The following DNAJC5B variants were observed in gnomAD, a reference collection of about 807,000 sequenced individuals.
DNAJC5B encodes dnaJ homolog subfamily C member 5B.
Under a neutral mutation model 24.7 loss-of-function variants are expected in DNAJC5B, and 23 were observed. The observed-to-expected ratio is 0.93, with a 90% CI of 0.67 to 1.32. The LOEUF (loss-of-function observed/expected upper bound fraction) is 1.32, where lower values mean the gene tolerates loss of function less well. Ranked by LOEUF, DNAJC5B falls within the 40% of genes most tolerant of loss-of-function variation. DNAJC5B has a pLI of 0.00. For missense variants in DNAJC5B, 238 were observed against 240.8 expected, an observed-to-expected ratio of 0.99 and a Z score of 0.08; for synonymous variants, 101 against 90.1, an observed-to-expected ratio of 1.12 and a Z score of -0.68.
chr8:66,035,280 A>G (rs1284082969), intron 1 of DNAJC5B, among the ~76,000 whole-genome samples: 1 of 152,176 alleles, frequency 6.6e-6, no homozygotes, highest in Non-Finnish European at 1.5e-5. Flanking sequence ...CAACTTTACA[A>G]TCCTGTTGTG....
chr8:66,053,764 G>A (rs975843843), intron 3 of DNAJC5B, among the ~76,000 whole-genome samples: 5 of 151,828 alleles, frequency 3.3e-5, no homozygotes, highest in Non-Finnish European at 7.4e-5. Flanking sequence ...CGAGTAGCTG[G>A]GATTACAGGT....
At chr8:66,065,856 G>T (rs893580711) in intron 3 of DNAJC5B, among the ~76,000 whole-genome samples, 1 of 152,062 alleles carries the variant, frequency 6.6e-6, no homozygotes, top group Non-Finnish European at 1.5e-5. Context: ...CAAAAGAGGG[G>T]CTTACGGGTC....
At chr8:66,095,485 T>G (rs1432288149) in intron 5 of DNAJC5B, among the ~76,000 whole-genome samples, 1 of 151,918 alleles carries the variant, frequency 6.6e-6, no homozygotes, top group African/African-American at 2.4e-5. Flanking sequence ...ACTTTTGGTT[T>G]TGTTGATTGT....
chr8:66,054,512 T>C (rs1417909855), intron 3 of DNAJC5B, among the ~76,000 whole-genome samples: 1 of 152,214 alleles, frequency 6.6e-6, no homozygotes, highest in African/African-American at 2.4e-5. Context: ...CTAATACTTA[T>C]TGAGTCTCTA....
chr8:66,041,040 G>C (rs532599239), intron 1 of DNAJC5B, among the ~76,000 whole-genome samples: 6 of 152,040 alleles, frequency 3.9e-5, no homozygotes, highest in South Asian at 2.1e-4. Context: ...GAGTGGTAGT[G>C]ACGGCTTTTT....
At chr8:66,090,253 G>A (rs962168759) in intron 5 of DNAJC5B, among the ~76,000 whole-genome samples, 9 of 109,466 alleles carry the variant, frequency 8.2e-5, no homozygotes, top group African/African-American at 3.1e-4. Flanking sequence ...GTGCAGGCAT[G>A]TGTGTGTGTG....
chr8:66,071,310 G>A (rs1217276024), intron 3 of DNAJC5B, among the ~76,000 whole-genome samples: 1 of 152,108 alleles, frequency 6.6e-6, no homozygotes, highest in African/African-American at 2.4e-5. Context: ...ATCTGACAAA[G>A]GGCTAATATC....
chr8:66,033,429 A>G (rs2128956665), intron 1 of DNAJC5B, among the ~76,000 whole-genome samples: 1 of 152,306 alleles, frequency 6.6e-6, no homozygotes, highest in Middle Eastern at 3.4e-3. Context: ...TCCCATTCCC[A>G]GAGGAAGTGG....
intron 1 of DNAJC5B, among the ~76,000 whole-genome samples, chr8:66,035,610 C>T (rs1165568134): frequency 6.6e-6 from 1 of 152,240 alleles, no homozygotes; most frequent in Non-Finnish European, 1.5e-5. Flanking sequence ...AAGAGAAAGA[C>T]ATGGAACCAA....
At chr8:66,096,696 C>A (rs1807960885) in intron 5 of DNAJC5B, among the ~76,000 whole-genome samples, 1 of 151,956 alleles carries the variant, frequency 6.6e-6, no homozygotes, top group African/African-American at 2.4e-5. Flanking sequence ...AGCTTTCTTC[C>A]CACTAGTGTT....
At chr8:66,086,543 T>TTA (rs1807728250) in intron 5 of DNAJC5B, among the ~76,000 whole-genome samples, 1 of 152,100 alleles carries the variant, frequency 6.6e-6, no homozygotes, top group East Asian at 1.9e-4. Context: ...AAAATCTACA[T>TTA]TATATAAAGA....
chr8:66,022,392 G>C (rs959079007), intron 1 of DNAJC5B, among the ~76,000 whole-genome samples: 4 of 152,198 alleles, frequency 2.6e-5, no homozygotes, highest in Non-Finnish European at 5.9e-5. Flanking sequence ...GCCAGCGCCA[G>C]GCCCTGACTC....
chr8:66,051,726 A>T, intron 3 of DNAJC5B, 60 bp downstream of exon 3: 1 of 1,279,298 alleles, frequency 7.8e-7, no homozygotes, highest in South Asian at 1.3e-5. Flanking sequence ...TGACTGGCAG[A>T]TTCCTCCATT....
chr8:66,071,256 A>G (rs1807341407), intron 3 of DNAJC5B, among the ~76,000 whole-genome samples: 2 of 152,228 alleles, frequency 1.3e-5, no homozygotes, highest in African/African-American at 2.4e-5. Flanking sequence ...ATCAGAGTGA[A>G]CAGGCAACCT....
intron 3 of DNAJC5B, among the ~76,000 whole-genome samples, chr8:66,066,088 C>G (rs951790596): frequency 6.6e-6 from 1 of 152,136 alleles, no homozygotes; most frequent in African/African-American, 2.4e-5. Flanking sequence ...AGACATTTCT[C>G]AAAAGAACAT....
chr8:66,083,125 C>T (rs959306039), intron 5 of DNAJC5B, among the ~76,000 whole-genome samples: 36 of 150,484 alleles, frequency 2.4e-4, no homozygotes, highest in African/African-American at 8.3e-4. Flanking sequence ...AATTCTCCTG[C>T]CTCAGCCTCC....
intron 5 of DNAJC5B, among the ~76,000 whole-genome samples, chr8:66,092,865 T>C (rs1807875399): frequency 6.6e-6 from 1 of 152,170 alleles, no homozygotes; most frequent in Non-Finnish European, 1.5e-5. Flanking sequence ...TGCAGGGTTG[T>C]TACATGGGTA....
intron 1 of DNAJC5B, among the ~76,000 whole-genome samples, chr8:66,030,012 C>T (rs564313449): frequency 2.0e-5 from 3 of 152,266 alleles, no homozygotes; most frequent in Non-Finnish European, 4.4e-5. Flanking sequence ...AACAACTGTG[C>T]CTATAAATAC....
intron 4 of DNAJC5B, among the ~76,000 whole-genome samples, chr8:66,078,377 T>C (rs1031894780): frequency 6.6e-6 from 1 of 152,162 alleles, no homozygotes; most frequent in Non-Finnish European, 1.5e-5. Context: ...AAATATGCAC[T>C]ACATGAATGA....
Sources: gnomAD v4.1 joint callset for allele counts (sites outside exome capture counted in the v4.1 genomes callset) on GRCh38, gnomAD v4.1.1 for gene constraint, MANE v1.5 for transcripts, NCBI Gene and HGNC (gene_info 2026-07-23, HGNC 2026-07-21) for gene names.